The following TRERF1 variants were observed in gnomAD, a reference collection of about 807,000 sequenced individuals.
TRERF1 encodes the protein transcriptional regulating factor 1, also known as transcriptional-regulating factor 1.
Under a neutral mutation model 122.9 loss-of-function variants are expected in TRERF1, and 27 were observed. That is an observed-to-expected ratio of 0.22 (90% CI 0.16 to 0.30). The LOEUF is 0.30. Ranked by LOEUF, TRERF1 falls within the 10% of genes least tolerant of loss-of-function variation. The pLI is 1.00. For missense variants in TRERF1, 1,248 were observed against 1,560.3 expected (o/e 0.80, Z 3.37); for synonymous variants, 636 against 641.7 (o/e 0.99, Z 0.13).
intron 2 of TRERF1, among the ~76,000 whole-genome samples, chr6:42,425,533 T>C (rs1303283556): frequency 1.4e-4 from 2 of 14,102 alleles, no homozygotes; most frequent in Non-Finnish European, 5.4e-4. Flanking sequence ...CTGGGCATTT[T>C]TTTTTTTTTT....
At chr6:42,399,085 A>G (rs1275134650) in intron 2 of TRERF1, among the ~76,000 whole-genome samples, 4 of 152,232 alleles carry the variant, frequency 2.6e-5, no homozygotes, top group Non-Finnish European at 4.4e-5. Flanking sequence ...GTCAGGCAGC[A>G]TGGAGAGAAA....
At chr6:42,419,807 G>A (rs767933101) in intron 2 of TRERF1, among the ~76,000 whole-genome samples, 12 of 152,190 alleles carry the variant, frequency 7.9e-5, no homozygotes, top group Non-Finnish European at 1.0e-4. Flanking sequence ...CACTCCTGCC[G>A]TGGTGTTGAC....
In TRERF1 at chr6:42,232,852, A is replaced by T. The variant is rs1770882398; in HGVS notation, c.3107T>A (p.Ile1036Asn). 6.2e-7 allele frequency: 1 copy of T among 1,610,524 alleles called. No individual in the cohort carries two copies. The highest frequency in any genetic ancestry group is 1.7e-5 in the Admixed American group (1 of 59,468). ...GGTCACCTGGTTGGTGCCCCCGTGG[A>T]TGCGGGCATGGCCATTCAGTGCCTG... The change falls in exon 17 of 18, where the codon ATC (isoleucine) becomes AAC (asparagine). Residue 1036 changes from isoleucine (I) to asparagine (N), a missense_variant. Coordinates refer to ENST00000372922, the Ensembl canonical transcript of TRERF1. This position sits in a 1 kb window ranked among gnomAD's most constrained non-coding sequence, Gnocchi z 4.5.
Position 42,259,640 on chromosome 6 carries a change from G to C in TRERF1, c.1968C>G (p.His656Gln). 1 of 1,613,016 alleles carries C rather than the reference G, an allele frequency of 6.2e-7. No individual in the cohort carries two copies. Among genetic ancestry groups the C allele is most frequent in the Admixed American group, 1.7e-5 (1 of 60,022 alleles). Residue 656 changes from histidine (H) to glutamine (Q), a missense_variant, in exon 9 of 18, where the codon CAC becomes CAG. By Grantham distance (24) the His-to-Gln change is conservative (BLOSUM62 0). Transcript: ENST00000372922. The surrounding 1 kb of genome is among the most constrained non-coding windows in gnomAD (Gnocchi z 4.9). Reference sequence around the variant, plus strand: ...GCGGGATGAAGAGAGGTTCCGGCCGGTGCCGGAACTTTTTCTTCTCCTGCA... The same window carrying C: ...GCGGGATGAAGAGAGGTTCCGGCCGCTGCCGGAACTTTTTCTTCTCCTGCA...
chr6:42,255,348 C>G (rs1776543678), intron 12 of TRERF1, among the ~76,000 whole-genome samples: 1 of 152,218 alleles, frequency 6.6e-6, no homozygotes, highest in African/African-American at 2.4e-5. Flanking sequence ...TCAGTAATAA[C>G]TGTACTACAC....
intron 2 of TRERF1, among the ~76,000 whole-genome samples, chr6:42,388,143 G>C (rs1168985741): frequency 6.6e-6 from 1 of 151,992 alleles, no homozygotes; most frequent in South Asian, 2.1e-4. Context: ...GGCTATCAGG[G>C]TATCAAAACC....
chr6:42,292,629 G>A (rs1357012977), intron 4 of TRERF1, among the ~76,000 whole-genome samples: 1 of 152,154 alleles, frequency 6.6e-6, no homozygotes, highest in Non-Finnish European at 1.5e-5. Context: ...GAATTGGTGT[G>A]GCCACGGGTC....
intron 2 of TRERF1, among the ~76,000 whole-genome samples, chr6:42,444,178 C>CTTTTTTTTTTTTTTTTTTT (rs201969394): frequency 3.7e-5 from 5 of 133,860 alleles, no homozygotes; most frequent in Admixed American, 7.5e-5. Flanking sequence ...GCAGCCTTTG[C>CTTTTTTTTTTTTTTTTTTT]TTTTTTTTTT....
intron 3 of TRERF1, among the ~76,000 whole-genome samples, chr6:42,335,468 G>T (rs1332871767): frequency 6.6e-6 from 1 of 152,126 alleles, no homozygotes; most frequent in Non-Finnish European, 1.5e-5. Flanking sequence ...TTACAGAGGA[G>T]GAAACTGAGG....
At chr6:42,291,897 T>A (rs1193329528) in intron 4 of TRERF1, among the ~76,000 whole-genome samples, 1 of 152,036 alleles carries the variant, frequency 6.6e-6, no homozygotes, top group African/African-American at 2.4e-5. Flanking sequence ...GAGAAACAAA[T>A]GGATTAGATG....
chr6:42,326,148 T>G (rs1048537493), intron 3 of TRERF1, among the ~76,000 whole-genome samples: 1 of 151,900 alleles, frequency 6.6e-6, no homozygotes, highest in Non-Finnish European at 1.5e-5. Context: ...AACCTGCACA[T>G]GTACTCTCAA....
chr6:42,292,334 G>C (rs1233359756), intron 4 of TRERF1, among the ~76,000 whole-genome samples: 1 of 152,174 alleles, frequency 6.6e-6, no homozygotes, highest in Non-Finnish European at 1.5e-5. Flanking sequence ...GTGGACGCAG[G>C]AGGGAAGAGA....
chr6:42,333,294 G>A (rs1765549281), intron 3 of TRERF1, among the ~76,000 whole-genome samples: 1 of 152,214 alleles, frequency 6.6e-6, no homozygotes, highest in African/African-American at 2.4e-5. Context: ...AAATTGGAGA[G>A]CTTGGGTCAA....
At chr6:42,416,388 T>G (rs1432834816) in intron 2 of TRERF1, among the ~76,000 whole-genome samples, 1 of 152,218 alleles carries the variant, frequency 6.6e-6, no homozygotes, top group Non-Finnish European at 1.5e-5. Flanking sequence ...TGAGGAGGTA[T>G]CCAATTATTT....
At position 42,268,620 on chromosome 6, in the gene TRERF1, G is replaced by A. The variant is rs1779659698; in HGVS notation, c.971C>T (p.Pro324Leu). The A allele has an allele frequency of 1.9e-6, 3 of 1,613,968 alleles. No individual in the cohort carries two copies. The highest frequency in any genetic ancestry group is 8.5e-7 in the Non-Finnish European group (1 of 1,179,832). ...CATGGGTTGGGGCTGATAATACTGA[G>A]GTATCTGCATTGAACCCTGCCGCTG... is the stretch of plus-strand genomic sequence containing the variant. Residue 324 changes from proline to leucine, a missense_variant, in exon 5 of 18, where the codon CCT becomes CTT. Around this residue, in one of 5 missense-constraint regions of TRERF1, gnomAD observed 946 missense variants for 1,073.0 expected, o/e 0.88. Transcript: ENST00000372922. This position sits in a 1 kb window ranked among gnomAD's most constrained non-coding sequence, Gnocchi z 4.4.
In TRERF1 at chr6:42,259,611, G is replaced by A. The variant is rs928875702; in HGVS notation, c.1997C>T (p.Pro666Leu). Residue 666 changes from proline (P) to leucine (L), a missense_variant, in exon 9 of 18, where the codon CCG (proline) becomes CTG (leucine). Pro to Leu is a moderately conservative substitution (Grantham distance 98, BLOSUM62 -3). Coordinates refer to ENST00000372922, the Ensembl canonical transcript of TRERF1. This position sits in a 1 kb window ranked among gnomAD's most constrained non-coding sequence, Gnocchi z 4.9. ...AGCGGGGTTCGGGTTGTAGGAGGGC[G>A]GCGGCGGGATGAAGAGAGGTTCCGG... is the stretch of plus-strand genomic sequence containing the variant. 9.9e-6 allele frequency: 16 copies of A among 1,613,832 alleles called. No homozygotes were observed. The highest frequency in any genetic ancestry group is 1.7e-5 in the Admixed American group (1 of 60,032).
chr6:42,370,828 T>G (rs766809962), intron 2 of TRERF1, among the ~76,000 whole-genome samples: 4 of 152,176 alleles, frequency 2.6e-5, no homozygotes, highest in Non-Finnish European at 5.9e-5. Context: ...TCTGGCCTTC[T>G]GAGGTCACCC....
chr6:42,342,707 TCA>T (rs1312575756), intron 3 of TRERF1, among the ~76,000 whole-genome samples: 2 of 152,256 alleles, frequency 1.3e-5, no homozygotes, highest in African/African-American at 4.8e-5. Flanking sequence ...TGATGGGGAC[TCA>T]CTGTCTCATA....
intron 2 of TRERF1, among the ~76,000 whole-genome samples, chr6:42,442,711 C>T (rs991028091): frequency 2.0e-5 from 3 of 152,258 alleles, no homozygotes; most frequent in African/African-American, 7.2e-5. Flanking sequence ...CAACTAAGCT[C>T]ATTGGAGTTG....
Sources: allele counts gnomAD v4.1 joint callset (sites outside exome capture counted in the v4.1 genomes callset), GRCh38; gene constraint gnomAD v4.1.1; regional missense constraint gnomAD v4.1.1; non-coding constraint Gnocchi (gnomAD v3.1); transcripts MANE v1.5; gene names NCBI Gene and HGNC (gene_info 2026-07-23, HGNC 2026-07-21).